ULK4: variants seen among roughly 807,000 people sequenced by gnomAD.
ULK4 encodes inactive serine/threonine-protein kinase ULK4.
In ULK4, 133 loss-of-function variants were observed where a neutral mutation model predicts 160.6. The ratio of observed to expected loss-of-function variants is 0.83; its 90% CI spans 0.72 to 0.96. The LOEUF (loss-of-function observed/expected upper bound fraction) is 0.96. ULK4 is among the 40% of genes least tolerant of loss of function. The pLI, the probability that ULK4 is intolerant of heterozygous loss-of-function variation, is 0.00. For missense variants in ULK4, 1,580 were observed against 1,499.5 expected (o/e 1.05, Z -0.89); for synonymous variants, 534 against 539.8 (o/e 0.99, Z 0.15).
chr3:41,263,562 T>C lies in ULK4; in HGVS notation c.3679-13988A>G, dbSNP rs73827989. The stretch of plus-strand genomic sequence containing the variant: ...TCTGCAGTGATTCAGCCACTATACA[T>C]AGGGACAATCAGGAAAATACTCATA... On this transcript the variant is annotated intron_variant, in intron 35 of 36. Coordinates refer to ENST00000301831, the MANE Select transcript of ULK4 (RefSeq NM_017886.4). Among the ~76,000 whole-genome samples, 270 of 151,938 alleles carry C rather than the reference T, an allele frequency of 1.8e-3. 2 individuals carry two copies. The highest frequency in any genetic ancestry group is 6.4e-3 in the African/African-American group (264 of 41,518).
intron 35 of ULK4, among the ~76,000 whole-genome samples, chr3:41,386,059 A>G (rs1022927487): frequency 3.9e-5 from 6 of 152,196 alleles, no homozygotes; most frequent in Non-Finnish European, 5.9e-5. Context: ...CATAAACTTC[A>G]TAAGAGCAGA....
At chr3:41,680,764 C>A (rs2035897387) in intron 29 of ULK4, among the ~76,000 whole-genome samples, 1 of 152,100 alleles carries the variant, frequency 6.6e-6, no homozygotes, top group South Asian at 2.1e-4. Flanking sequence ...GCGGCCCAGG[C>A]CCTGGAGAAA....
Position 41,911,632 on chromosome 3 carries a change from T to C in ULK4, c.924A>G (p.Pro308=), listed in dbSNP as rs907752866. The stretch of plus-strand genomic sequence containing the variant: ...TCTGCAAAAGCTCCTTGGAATCTTG[T>C]GGCCCAGAACACTCCATAGTGTTTC... The part of the protein sequence containing the change: ...LSRNTMECSG[P]QDSKELLQNS... The change falls in exon 10 of 37, where the codon CCA becomes CCG. Residue 308 remains proline (P), a synonymous_variant. Coordinates refer to ENST00000301831, the MANE Select transcript of ULK4 (RefSeq NM_017886.4). The C allele has an allele frequency of 4.3e-6, 7 of 1,613,738 alleles. No homozygotes were observed. Among genetic ancestry groups the C allele is most frequent in the Admixed American group, 1.7e-5 (1 of 60,006 alleles).
chr3:41,278,721 A>C (rs1399719611), intron 35 of ULK4, among the ~76,000 whole-genome samples: 2 of 152,200 alleles, frequency 1.3e-5, no homozygotes, highest in African/African-American at 2.4e-5. Context: ...GTTAGAAGGA[A>C]AACTAACAAA....
chr3:41,800,250 T>C lies in ULK4; in HGVS notation c.1892A>G (p.Asn631Ser), dbSNP rs1349910566. Reference protein sequence around the residue: ...VNHMAAKIIENVCTTFSAQSQ... With the variant: ...VNHMAAKIIESVCTTFSAQSQ... ...CTGAGCAGAAAAGGTGGTACAGACA[T>C]TTTCAATAATTTTTGCTGCCATGTG... Residue 631 changes from asparagine (N) to serine (S), a missense_variant, in exon 20 of 37, where the codon AAT (asparagine) becomes AGT (serine). Transcript: ENST00000301831. The C allele has an allele frequency of 6.2e-7, 1 of 1,612,924 alleles. No individual in the cohort carries two copies. The highest frequency in any genetic ancestry group is 8.5e-7 in the Non-Finnish European group (1 of 1,179,720).
chr3:41,603,953 G>C (rs1379238915), intron 31 of ULK4, among the ~76,000 whole-genome samples: 1 of 151,986 alleles, frequency 6.6e-6, no homozygotes, highest in East Asian at 1.9e-4. Context: ...TGCATATTGA[G>C]TGGCCACCTA....
intron 4 of ULK4, among the ~76,000 whole-genome samples, chr3:41,932,502 T>C (rs1339386029): frequency 1.3e-5 from 2 of 152,214 alleles, no homozygotes; most frequent in African/African-American, 2.4e-5. Flanking sequence ...TCTCTTCACC[T>C]GTAAAATGGG....
At chr3:41,637,183 G>C (rs568803611) in intron 30 of ULK4, among the ~76,000 whole-genome samples, 2 of 152,152 alleles carry the variant, frequency 1.3e-5, no homozygotes, top group Admixed American at 1.3e-4. Flanking sequence ...CTTTTGACCA[G>C]CATCTCCCCA....
chr3:41,711,508 T>C (rs1575595520), intron 25 of ULK4, among the ~76,000 whole-genome samples: 2 of 152,182 alleles, frequency 1.3e-5, no homozygotes, highest in East Asian at 3.8e-4. Context: ...AGTAAATATA[T>C]ACTATCATGT....
intron 29 of ULK4, among the ~76,000 whole-genome samples, chr3:41,675,133 G>A (rs545130244): frequency 3.3e-5 from 5 of 151,382 alleles, no homozygotes; most frequent in Admixed American, 6.6e-5. Flanking sequence ...CCAGCCACTC[G>A]GGAGGCTGAG....
chr3:41,783,380 T>C (rs1339918667), intron 21 of ULK4, among the ~76,000 whole-genome samples: 2 of 151,876 alleles, frequency 1.3e-5, no homozygotes, highest in Non-Finnish European at 2.9e-5. Flanking sequence ...CTATTAAAAA[T>C]ACAAAAATTA....
chr3:41,535,803 C>T (rs2086477401), intron 32 of ULK4, among the ~76,000 whole-genome samples: 1 of 152,224 alleles, frequency 6.6e-6, no homozygotes, highest in Non-Finnish European at 1.5e-5. Flanking sequence ...GTTCAAGCCA[C>T]ATGGGCATCC....
intron 17 of ULK4, 38 bp from the exon 18 acceptor site, chr3:41,836,009 A>T: frequency 7.3e-7 from 1 of 1,361,254 alleles, no homozygotes; most frequent in Non-Finnish European, 1.0e-6. Flanking sequence ...ATTATTTCAA[A>T]TGTATCTCTC....
chr3:41,903,745 AT>A (rs1359015932), intron 12 of ULK4, among the ~76,000 whole-genome samples: 1 of 152,222 alleles, frequency 6.6e-6, no homozygotes, highest in African/African-American at 2.4e-5. Flanking sequence ...ATGTTCAGGA[AT>A]AAACTAAATG....
At chr3:41,558,680 A>T (rs2087407014) in intron 32 of ULK4, among the ~76,000 whole-genome samples, 2 of 149,792 alleles carry the variant, frequency 1.3e-5, no homozygotes, top group South Asian at 4.3e-4. Flanking sequence ...CTTCAGCCTG[A>T]GCAATAGAGC....
At chr3:41,447,912 G>T (rs192962397) in intron 34 of ULK4, among the ~76,000 whole-genome samples, 17 of 152,268 alleles carry the variant, frequency 1.1e-4, no homozygotes, top group African/African-American at 4.1e-4. Context: ...TTTAAAGCAA[G>T]CGAGCCGAGC....
intron 18 of ULK4, among the ~76,000 whole-genome samples, chr3:41,834,310 T>C (rs1353912005): frequency 6.6e-6 from 1 of 152,096 alleles, no homozygotes; most frequent in Non-Finnish European, 1.5e-5. Context: ...ATACTACTTT[T>C]GTGCATTGGA....
intron 35 of ULK4, among the ~76,000 whole-genome samples, chr3:41,318,888 C>T (rs1409969716): frequency 2.0e-5 from 3 of 152,158 alleles, no homozygotes; most frequent in Non-Finnish European, 2.9e-5. Context: ...TAAAAGATGA[C>T]AGATCCATCC....
At chr3:41,902,588 GA>G (rs537842940) in intron 12 of ULK4, among the ~76,000 whole-genome samples, 19,752 of 94,808 alleles carry the variant, frequency 0.21, 1,254 homozygotes, top group Middle Eastern at 0.3. Context: ...AAAAAAAAAA[GA>G]AAAAAAAAAA....
Sources: gnomAD v4.1 joint callset for allele counts (sites outside exome capture counted in the v4.1 genomes callset) on GRCh38, gnomAD v4.1.1 for gene constraint, MANE v1.5 for transcripts, NCBI Gene and HGNC (gene_info 2026-07-23, HGNC 2026-07-21) for gene names.